ARHGAP10: variants seen among roughly 807,000 people sequenced by gnomAD.
ARHGAP10 encodes the protein rho GTPase-activating protein 10.
ARHGAP10 carries 87 observed loss-of-function variants against 108.6 expected under a neutral mutation model. The ratio of observed to expected loss-of-function variants is 0.80; its 90% CI spans 0.67 to 0.96. The LOEUF is 0.96. ARHGAP10 is among the 40% of genes least tolerant of loss of function. ARHGAP10 has a pLI of 0.00. For missense variants in ARHGAP10, 939 were observed against 954.5 expected (o/e 0.98, Z 0.21); for synonymous variants, 347 against 341.1 (o/e 1.02, Z -0.19).
At chr4:148,010,549 A>G (rs1399007919) in intron 18 of ARHGAP10, among the ~76,000 whole-genome samples, 1 of 152,162 alleles carries the variant, frequency 6.6e-6, no homozygotes, top group Non-Finnish European at 1.5e-5. Flanking sequence ...GTATAATTCT[A>G]TTATTGCTAT....
chr4:148,017,306 A>T (rs921444590), intron 18 of ARHGAP10, among the ~76,000 whole-genome samples: 9 of 152,086 alleles, frequency 5.9e-5, no homozygotes, highest in African/African-American at 9.7e-5. Flanking sequence ...CAGAGAATTT[A>T]TTTTTTTAAT....
rs189321139 is a variant in ARHGAP10, at chr4:147,791,734, G to A, written c.155-30993G>A. Reference sequence around the variant, plus strand: ...CGAGTAGCTGAGATTATAGGCACCCGCCACCATGTCCAGCTAGTTTTTGTA... The same window carrying A: ...CGAGTAGCTGAGATTATAGGCACCCACCACCATGTCCAGCTAGTTTTTGTA... On this transcript the variant is annotated intron_variant, in intron 1 of 22. Transcript: ENST00000336498. Among the ~76,000 whole-genome samples, 20 of 152,102 alleles carry A rather than the reference G, an allele frequency of 1.3e-4. No homozygotes were observed. In the East Asian group the frequency reaches 1.9e-3, roughly 15 times the overall value.
intron 3 of ARHGAP10, among the ~76,000 whole-genome samples, chr4:147,823,491 G>A (rs1368557167): frequency 6.6e-6 from 1 of 151,924 alleles, no homozygotes; most frequent in Non-Finnish European, 1.5e-5. Context: ...GGCATGGTGG[G>A]TCATGCCTGA....
chr4:147,758,117 G>A (rs746317448), intron 1 of ARHGAP10, among the ~76,000 whole-genome samples: 2 of 152,288 alleles, frequency 1.3e-5, no homozygotes, highest in Non-Finnish European at 1.5e-5. Context: ...ACAAAAATTA[G>A]CTGGGCGTGG....
intron 18 of ARHGAP10, among the ~76,000 whole-genome samples, chr4:147,979,303 A>G (rs1578754034): frequency 6.6e-6 from 1 of 152,170 alleles, no homozygotes; most frequent in Admixed American, 6.5e-5. Context: ...CATTTATTGA[A>G]TAGGAAGTCC....
chr4:147,809,420 C>T (rs527689986), intron 1 of ARHGAP10, among the ~76,000 whole-genome samples: 70 of 152,218 alleles, frequency 4.6e-4, no homozygotes, highest in African/African-American at 1.6e-3. Flanking sequence ...TTAATGGTTC[C>T]ACCAATCTTT....
intron 16 of ARHGAP10, among the ~76,000 whole-genome samples, chr4:147,960,608 AG>A (rs1249252558): frequency 2.6e-5 from 4 of 152,252 alleles, no homozygotes; most frequent in African/African-American, 9.6e-5. Context: ...TATTATGGGT[AG>A]CTTTAAGTGA....
chr4:147,763,903 C>T (rs550344923), intron 1 of ARHGAP10, among the ~76,000 whole-genome samples: 123 of 151,990 alleles, frequency 8.1e-4, no homozygotes, highest in Non-Finnish European at 1.4e-3. Flanking sequence ...TACAGGCGTA[C>T]GCCGCCATGC....
chr4:147,956,857 G>A (rs188048306), intron 16 of ARHGAP10, among the ~76,000 whole-genome samples: 123 of 151,188 alleles, frequency 8.1e-4, no homozygotes, highest in African/African-American at 2.4e-3. Flanking sequence ...GTATTATTAC[G>A]CCCCATAACT....
intron 7 of ARHGAP10, among the ~76,000 whole-genome samples, chr4:147,872,480 C>A (rs191380518): frequency 3.9e-5 from 6 of 152,168 alleles, no homozygotes; most frequent in Non-Finnish European, 2.9e-5. Flanking sequence ...TATATAAACA[C>A]GTGTGCTCTG....
intron 7 of ARHGAP10, among the ~76,000 whole-genome samples, chr4:147,872,702 G>GAA (rs1734882874): frequency 1.3e-5 from 2 of 152,278 alleles, no homozygotes; most frequent in South Asian, 4.2e-4. Flanking sequence ...CTAGAGAAAA[G>GAA]AAAATGTTAT....
chr4:147,971,339 G>C (rs1010898895), intron 18 of ARHGAP10, among the ~76,000 whole-genome samples: 1 of 152,048 alleles, frequency 6.6e-6, no homozygotes, highest in Non-Finnish European at 1.5e-5. Flanking sequence ...AGTCATTCAT[G>C]GTGTGAGATT....
intron 1 of ARHGAP10, among the ~76,000 whole-genome samples, chr4:147,737,354 G>T (rs1056627979): frequency 1.3e-5 from 2 of 149,942 alleles, no homozygotes; most frequent in Non-Finnish European, 1.5e-5. Context: ...GTAAAGACAG[G>T]GTTTCACTGT....
chr4:147,740,107 G>A (rs1028806282), intron 1 of ARHGAP10, among the ~76,000 whole-genome samples: 1 of 148,946 alleles, frequency 6.7e-6, no homozygotes, highest in African/African-American at 2.5e-5. Context: ...GGAGTGCAGT[G>A]GTGTGATCTT....
chr4:147,748,888 G>C (rs941708249), intron 1 of ARHGAP10, among the ~76,000 whole-genome samples: 5 of 152,170 alleles, frequency 3.3e-5, no homozygotes, highest in Non-Finnish European at 7.3e-5. Flanking sequence ...GAATCCGGGA[G>C]ATTGATGCTG....
intron 19 of ARHGAP10, among the ~76,000 whole-genome samples, chr4:148,041,693 TG>T (rs1476847857): frequency 6.6e-6 from 1 of 152,234 alleles, no homozygotes; most frequent in Non-Finnish European, 1.5e-5. Context: ...CACTTGTTCA[TG>T]TGCTCAGGCT....
At chr4:147,732,713 G>A (rs376831751) in intron 1 of ARHGAP10, among the ~76,000 whole-genome samples, 1 of 152,100 alleles carries the variant, frequency 6.6e-6, no homozygotes, top group African/African-American at 2.4e-5. Context: ...CCCCGCCTGG[G>A]CCCCGCCTGG....
At chr4:147,945,280 C>G (rs1008350972) in intron 14 of ARHGAP10, among the ~76,000 whole-genome samples, 3 of 152,072 alleles carry the variant, frequency 2.0e-5, no homozygotes. Flanking sequence ...TTTACTAACT[C>G]TCCCATCTCC....
At chr4:147,734,566 T>C (rs1400705938) in intron 1 of ARHGAP10, among the ~76,000 whole-genome samples, 1 of 152,232 alleles carries the variant, frequency 6.6e-6, no homozygotes, top group Non-Finnish European at 1.5e-5. Flanking sequence ...TAAAGTTTAC[T>C]TCTAGTTCCT....
Sources: allele counts gnomAD v4.1 joint callset (sites outside exome capture counted in the v4.1 genomes callset), GRCh38; gene constraint gnomAD v4.1.1; transcripts MANE v1.5; gene names NCBI Gene and HGNC (gene_info 2026-07-23, HGNC 2026-07-21).